GNAO1: variants seen among roughly 807,000 people sequenced by gnomAD.
The protein encoded by GNAO1 is guanine nucleotide-binding protein G(o) subunit alpha.
For missense variants in GNAO1, 166 were observed against 478.7 expected (o/e 0.35, Z 6.10); for synonymous variants, 164 against 180.7 (o/e 0.91, Z 0.74).
intron 6 of GNAO1, chr16:56,345,528 C>G (rs552003909): frequency 3.0e-6 from 3 of 984,626 alleles, no homozygotes; most frequent in African/African-American, 1.8e-5. Context: ...GACCCAGGAA[C>G]CTTCCCTAGT....
chr16:56,207,736 G>A (rs575582303), intron 2 of GNAO1, among the ~76,000 whole-genome samples: 2 of 152,332 alleles, frequency 1.3e-5, no homozygotes, highest in East Asian at 3.9e-4. Flanking sequence ...TGGTGAGGGA[G>A]CACCTACCTC....
chr16:56,265,586 TGGTG>T (rs1161827453), intron 2 of GNAO1, among the ~76,000 whole-genome samples: 2 of 152,202 alleles, frequency 1.3e-5, no homozygotes, highest in African/African-American at 4.8e-5. Flanking sequence ...TCCCTCCAGC[TGGTG>T]GGTTGATGGC....
chr16:56,259,787 C>T (rs1286466299), intron 2 of GNAO1, among the ~76,000 whole-genome samples: 2 of 152,202 alleles, frequency 1.3e-5, no homozygotes, highest in African/African-American at 4.8e-5. Flanking sequence ...GCCAGTGTGA[C>T]AACAGAAATC....
chr16:56,308,694 G>T (rs184136817), intron 3 of GNAO1, among the ~76,000 whole-genome samples: 1 of 152,300 alleles, frequency 6.6e-6, no homozygotes, highest in East Asian at 1.9e-4. Context: ...CAGGACCACA[G>T]TTGGAGACAG....
intron 3 of GNAO1, among the ~76,000 whole-genome samples, chr16:56,295,367 A>G (rs946080634): frequency 6.6e-6 from 1 of 152,010 alleles, no homozygotes; most frequent in African/African-American, 2.4e-5. Context: ...TAATATGAGG[A>G]TAATAAGTCA....
intron 3 of GNAO1, among the ~76,000 whole-genome samples, chr16:56,291,056 A>G (rs1275213418): frequency 3.3e-5 from 5 of 152,336 alleles, no homozygotes; most frequent in South Asian, 2.1e-4. Context: ...TTTGGCTACT[A>G]TGAATAATGC....
chr16:56,349,441 C>T (rs1202958942), intron 6 of GNAO1, among the ~76,000 whole-genome samples: 4 of 152,182 alleles, frequency 2.6e-5, no homozygotes, highest in African/African-American at 7.2e-5. Flanking sequence ...TGTGGACAGC[C>T]CGAGGCCCTG....
At chr16:56,260,473 G>A (rs1269641318) in intron 2 of GNAO1, among the ~76,000 whole-genome samples, 1 of 152,160 alleles carries the variant, frequency 6.6e-6, no homozygotes, top group Non-Finnish European at 1.5e-5. Flanking sequence ...GAGAGACCCA[G>A]AGACCATGAT....
At chr16:56,303,565 G>C (rs2037364565) in intron 3 of GNAO1, among the ~76,000 whole-genome samples, 1 of 151,658 alleles carries the variant, frequency 6.6e-6, no homozygotes, top group South Asian at 2.1e-4. Context: ...TGGGTGGGCA[G>C]TGACTTCACC....
intron 3 of GNAO1, among the ~76,000 whole-genome samples, chr16:56,281,750 G>A (rs2037116637): frequency 6.6e-6 from 1 of 151,602 alleles, no homozygotes; most frequent in Non-Finnish European, 1.5e-5. Context: ...GCCTTGTTCT[G>A]GCTGAGCTGG....
At chr16:56,341,835 G>A (rs567271122) in intron 6 of GNAO1, among the ~76,000 whole-genome samples, 15 of 152,312 alleles carry the variant, frequency 9.8e-5, no homozygotes, top group African/African-American at 3.6e-4. Flanking sequence ...TTCTGAGATG[G>A]CCAGACCCTG....
At chr16:56,318,530 C>T (rs1484522434) in intron 3 of GNAO1, among the ~76,000 whole-genome samples, 1 of 152,104 alleles carries the variant, frequency 6.6e-6, no homozygotes, top group Non-Finnish European at 1.5e-5. Flanking sequence ...GTACATGGGG[C>T]AGGGTGGGGC....
At chr16:56,201,574 A>G (rs1190763854) in intron 2 of GNAO1, among the ~76,000 whole-genome samples, 1 of 152,222 alleles carries the variant, frequency 6.6e-6, no homozygotes, top group Non-Finnish European at 1.5e-5. Flanking sequence ...GGGAGACCAG[A>G]TGGAAAGTTA....
chr16:56,342,833 C>T (rs1270119911), intron 6 of GNAO1, among the ~76,000 whole-genome samples: 6 of 152,218 alleles, frequency 3.9e-5, no homozygotes, highest in Non-Finnish European at 8.8e-5. Context: ...CCATAAATGG[C>T]TGGGCATGGT....
At chr16:56,275,525 C>T (rs763575204) in intron 2 of GNAO1, among the ~76,000 whole-genome samples, 4 of 152,158 alleles carry the variant, frequency 2.6e-5, no homozygotes, top group Non-Finnish European at 5.9e-5. Context: ...ATGCATCATC[C>T]ATTTGCAGAC....
intron 2 of GNAO1, among the ~76,000 whole-genome samples, chr16:56,256,489 TC>T (rs2036847834): frequency 6.6e-6 from 1 of 152,158 alleles, no homozygotes; most frequent in South Asian, 2.1e-4. Flanking sequence ...ATAAGGGAGA[TC>T]CCCACACCAG....
intron 2 of GNAO1, among the ~76,000 whole-genome samples, chr16:56,207,305 A>C (rs186578077): frequency 1.3e-3 from 195 of 152,382 alleles, no homozygotes; most frequent in African/African-American, 4.4e-3. Flanking sequence ...AGACCAAAAA[A>C]ATAAATAAAT....
At chr16:56,239,230 A>T (rs1295696977) in intron 2 of GNAO1, among the ~76,000 whole-genome samples, 1 of 152,210 alleles carries the variant, frequency 6.6e-6, no homozygotes, top group African/African-American at 2.4e-5. Context: ...CAGCCAATTC[A>T]TTGCCAAGGT....
intron 3 of GNAO1, among the ~76,000 whole-genome samples, chr16:56,321,455 G>A (rs1206843784): frequency 1.3e-5 from 2 of 152,162 alleles, no homozygotes; most frequent in African/African-American, 4.8e-5. Flanking sequence ...TGCTACAAGT[G>A]TCCTGGGGCT....
Sources: allele counts gnomAD v4.1 joint callset (sites outside exome capture counted in the v4.1 genomes callset), GRCh38; gene constraint gnomAD v4.1.1; transcripts MANE v1.5; gene names NCBI Gene and HGNC (gene_info 2026-07-23, HGNC 2026-07-21).